The following UGT1A9 variants were observed in gnomAD, a reference collection of about 807,000 sequenced individuals.
UGT1A9 encodes UDP glucuronosyltransferase family 1 member A9.
UGT1A9 carries 35 observed loss-of-function variants against 45.0 expected under a neutral mutation model. The ratio of observed to expected loss-of-function variants is 0.78; its 90% CI spans 0.59 to 1.03. The LOEUF is 1.03. UGT1A9 is among the 50% of genes least tolerant of loss of function. The pLI, the probability that UGT1A9 is intolerant of heterozygous loss-of-function variation, is 0.00. For missense variants in UGT1A9, 687 were observed against 666.6 expected (o/e 1.03, Z -0.34); for synonymous variants, 278 against 250.6 (o/e 1.11, Z -1.03).
At chr2:233,740,322 A>G (rs1210904634) in intron 1 of UGT1A9, among the ~76,000 whole-genome samples, 1 of 151,968 alleles carries the variant, frequency 6.6e-6, no homozygotes, top group African/African-American at 2.4e-5. Context: ...ATGAATCTGC[A>G]TTTATTGAGA....
Position 233,769,698 on chromosome 2 carries a change from G to A in UGT1A9, c.1295+1259G>A. The A allele has an allele frequency of 6.5e-7, 1 of 1,529,982 alleles. No individual in the cohort carries two copies. Among genetic ancestry groups the A allele is most frequent in the Non-Finnish European group, 8.8e-7 (1 of 1,137,522 alleles). 94.8% of individuals were successfully genotyped at this position (1,529,982 alleles called of 1,614,324 possible). On this transcript the variant is annotated intron_variant, in intron 4 of 4. Coordinates refer to ENST00000354728, the MANE Select transcript of UGT1A9 (RefSeq NM_021027.3). The surrounding 1 kb of genome is among the most constrained non-coding windows in gnomAD (Gnocchi z 4.4). ...GTGTGTGTGGTGGCACTGGATAAAAGATCAATGTTGGCTAGGCACCATGGC... is the reference window on the plus strand; with the variant it reads ...GTGTGTGTGGTGGCACTGGATAAAAAATCAATGTTGGCTAGGCACCATGGC...
intron 1 of UGT1A9, among the ~76,000 whole-genome samples, chr2:233,698,410 C>T (rs1360939662): frequency 2.6e-5 from 4 of 151,926 alleles, no homozygotes; most frequent in South Asian, 4.2e-4. Context: ...GTGACTTCAT[C>T]GCAATAAATT....
intron 1 of UGT1A9, among the ~76,000 whole-genome samples, chr2:233,762,019 A>G (rs1021587184): frequency 2.6e-5 from 4 of 151,988 alleles, no homozygotes; most frequent in South Asian, 2.1e-4. Context: ...TGTGATTTGT[A>G]TTTTATTTTT....
At chr2:233,685,347 A>G (rs1314303035) in intron 1 of UGT1A9, among the ~76,000 whole-genome samples, 1 of 152,136 alleles carries the variant, frequency 6.6e-6, no homozygotes, top group Non-Finnish European at 1.5e-5. Context: ...AGTGGTTTTA[A>G]TGAGAAAAAA....
At chr2:233,700,854 T>C (rs1009974165) in intron 1 of UGT1A9, among the ~76,000 whole-genome samples, 11 of 152,244 alleles carry the variant, frequency 7.2e-5, no homozygotes, top group African/African-American at 2.2e-4. Context: ...GTATATCTCC[T>C]AATGCTATCC....
At chr2:233,741,279 G>A (rs1389443810) in intron 1 of UGT1A9, among the ~76,000 whole-genome samples, 1 of 151,738 alleles carries the variant, frequency 6.6e-6, no homozygotes, top group Non-Finnish European at 1.5e-5. Flanking sequence ...TGAACAATGG[G>A]ATTTATGTAC....
At chr2:233,706,776 GGAGA>G (rs1475683157) in intron 1 of UGT1A9, among the ~76,000 whole-genome samples, 1 of 152,236 alleles carries the variant, frequency 6.6e-6, no homozygotes, top group East Asian at 1.9e-4. Context: ...TCCATCTCTG[GGAGA>G]GAAATACCAT....
At chr2:233,729,765 C>T in intron 1 of UGT1A9, 2 of 1,613,978 alleles carry the variant, frequency 1.2e-6, no homozygotes, top group Admixed American at 1.7e-5. Flanking sequence ...GGGTCAAGAA[C>T]ATGCTCTACC....
chr2:233,769,855 C>G lies in UGT1A9; in HGVS notation c.1295+1416C>G. On this transcript the variant is annotated intron_variant, in intron 4 of 4. Transcript: ENST00000354728. The surrounding 1 kb of genome is among the most constrained non-coding windows in gnomAD (Gnocchi z 4.4). ...CCTGGGCAACAGAGTGAGACCCTGT[C>G]TCAAAAAAAAAAAAAAAAATGAAAA... is the stretch of plus-strand genomic sequence containing the variant. The G allele has an allele frequency of 2.7e-6, 1 of 372,080 alleles. No individual in the cohort carries two copies. The highest frequency in any genetic ancestry group is 7.2e-5 in the South Asian group (1 of 13,958). 23.0% of individuals were successfully genotyped at this position (372,080 alleles called of 1,614,324 possible).
chr2:233,738,229 G>GCTCC lies in UGT1A9; in HGVS notation c.856-28804_856-28803insTCCC, dbSNP rs56839564. ...CTGCCAGGATTATAAGTTTCCTGAGGCCCCTCCAGCCACATGGAACTGGAG... is the reference window on the plus strand; with the variant it reads ...CTGCCAGGATTATAAGTTTCCTGAGGCTCCCCCCTCCAGCCACATGGAACTGGAG... On this transcript the variant is annotated intron_variant, in intron 1 of 4. Transcript: ENST00000354728. Among the ~76,000 whole-genome samples, 1,480 of 152,188 alleles carry GCTCC rather than the reference G, an allele frequency of 9.7e-3. 33 individuals are homozygous for GCTCC. The highest frequency in any genetic ancestry group is 0.033 in the African/African-American group (1,389 of 41,506).
At chr2:233,681,530 CAAAAAA>C (rs747693860) in intron 1 of UGT1A9, among the ~76,000 whole-genome samples, 1 of 77,710 alleles carries the variant, frequency 1.3e-5, no homozygotes. Context: ...GACTCCATCT[CAAAAAA>C]AAAAAAAAAA....
intron 1 of UGT1A9, among the ~76,000 whole-genome samples, chr2:233,721,299 A>G (rs185045149): frequency 2.2e-4 from 34 of 152,276 alleles, no homozygotes; most frequent in Admixed American, 1.9e-3. Flanking sequence ...AGGCATTTGA[A>G]TAGTGATTGT....
chr2:233,672,690 G>C lies in UGT1A9; in HGVS notation c.756G>C (p.Leu252Phe), dbSNP rs17863776. 2 of 1,613,782 alleles carry C rather than the reference G, an allele frequency of 1.2e-6. No individual in the cohort carries two copies. The highest frequency in any genetic ancestry group is 8.5e-7 in the Non-Finnish European group (1 of 1,179,836). Residue 252 changes from leucine (L) to phenylalanine (F), a missense_variant, in exon 1 of 5, where the codon TTG becomes TTC. Coordinates refer to ENST00000354728, the MANE Select transcript of UGT1A9 (RefSeq NM_021027.3). Reference sequence around the variant, plus strand: ...TCTACAGCCACACATCAATTTGGTTGTTGCGAACGGACTTTGTTTTGGACT... The same window carrying C: ...TCTACAGCCACACATCAATTTGGTTCTTGCGAACGGACTTTGTTTTGGACT... ...YDLYSHTSIW[L>F]LRTDFVLDYP...
intron 1 of UGT1A9, chr2:233,682,233 C>T (rs2074566942): frequency 5.6e-6 from 9 of 1,614,200 alleles, no homozygotes; most frequent in African/African-American, 2.7e-5. Flanking sequence ...GCTCGCTGGA[C>T]GGCACCATTG....
chr2:233,727,367 AG>A (rs1325581943), intron 1 of UGT1A9, among the ~76,000 whole-genome samples: 7 of 152,052 alleles, frequency 4.6e-5, no homozygotes, highest in Non-Finnish European at 1.0e-4. Flanking sequence ...TAGGGCCCCT[AG>A]GTCTCTGGAG....
chr2:233,767,779 A>G, intron 2 of UGT1A9, 70 bp from the exon 3 acceptor site: 1 of 1,612,962 alleles, frequency 6.2e-7, no homozygotes. Flanking sequence ...TTTTCTAGTT[A>G]GTATAGCAGA....
intron 1 of UGT1A9, chr2:233,717,944 C>T (rs897150817): frequency 6.0e-5 from 27 of 453,468 alleles, no homozygotes; most frequent in African/African-American, 3.6e-4. Context: ...TCTATGCAGA[C>T]TTGCAGAAGA....
rs898843151 is a variant in UGT1A9 at position 233,691,697 on chromosome 2, G to A, written c.855+18908G>A. On this transcript the variant is annotated intron_variant, in intron 1 of 4. Transcript: ENST00000354728. ...TTGAGAAACCTGAAGCTCAGGAGAG[G>A]AGTCACTCCCCTGGCAGATGGGTGG... 9.0e-6 allele frequency: 6 copies of A among 668,066 alleles called. No individual in the cohort carries two copies. The African/African-American group carries it at 1.2e-4, about 13-fold the overall frequency. The allele number at this position is 668,066 out of a possible 1,614,324, so 41.4% of individuals were successfully genotyped here. A position where few individuals can be genotyped will look rare whatever the true frequency, so the allele number is the denominator to read the frequency against.
chr2:233,686,219 G>C lies in UGT1A9; in HGVS notation c.855+13430G>C, dbSNP rs1013973575. ...AGAAGAAAAAATTAGAAAAATATTT[G>C]TGACCTTGGATTTGGAAATGGTTTC... On this transcript the variant is annotated intron_variant, in intron 1 of 4. Coordinates refer to ENST00000354728, the MANE Select transcript of UGT1A9 (RefSeq NM_021027.3). Among the ~76,000 whole-genome samples the C allele has an allele frequency of 2.0e-5, 3 of 151,618 alleles. No individual in the cohort carries two copies. In the East Asian group the frequency reaches 5.8e-4, roughly 29 times the overall value.
Sources: allele counts gnomAD v4.1 joint callset (sites outside exome capture counted in the v4.1 genomes callset), GRCh38; gene constraint gnomAD v4.1.1; non-coding constraint Gnocchi (gnomAD v3.1); transcripts MANE v1.5; gene names NCBI Gene and HGNC (gene_info 2026-07-23, HGNC 2026-07-21).